DYSF: variants seen among roughly 807,000 people sequenced by gnomAD.
The protein encoded by DYSF is dystrophy-associated fer-1-like 1.
In DYSF, 212 loss-of-function variants were observed where a neutral mutation model predicts 274.9. The ratio of observed to expected loss-of-function variants is 0.77; its 90% CI spans 0.69 to 0.86. The LOEUF (loss-of-function observed/expected upper bound fraction) is 0.86. Ranked by LOEUF, DYSF falls within the 40% of genes least tolerant of loss-of-function variation. DYSF has a pLI of 0.00. For synonymous variants in DYSF, 1,091 were observed against 1,078.7 expected (o/e 1.01, Z -0.22); for missense variants, 2,666 against 2,783.2 (o/e 0.96, Z 0.95).
At chr2:71,473,741 A>C (rs926171271) in intron 1 of DYSF, among the ~76,000 whole-genome samples, 1 of 152,130 alleles carries the variant, frequency 6.6e-6, no homozygotes, top group Non-Finnish European at 1.5e-5. Context: ...ACATAACATG[A>C]AATGTACCAT....
intron 22 of DYSF, among the ~76,000 whole-genome samples, chr2:71,560,946 G>T (rs2091709815): frequency 6.6e-6 from 1 of 152,190 alleles, no homozygotes; most frequent in African/African-American, 2.4e-5. Context: ...TGCACAGACT[G>T]CCCCGCCGCA....
intron 17 of DYSF, among the ~76,000 whole-genome samples, chr2:71,548,229 T>C (rs2090637434): frequency 6.6e-6 from 1 of 152,188 alleles, no homozygotes; most frequent in Non-Finnish European, 1.5e-5. Flanking sequence ...TGCCCTGTCC[T>C]CACTCTGGAT....
At chr2:71,669,262 T>C (rs1400753078) in intron 50 of DYSF, 55 bp downstream of exon 50, 1 of 1,446,444 alleles carries the variant, frequency 6.9e-7, no homozygotes, top group Non-Finnish European at 9.6e-7. Flanking sequence ...CCGTGCTCCC[T>C]CTGGGTTGTG....
chr2:71,543,453 CG>C (rs1335420284), intron 17 of DYSF, among the ~76,000 whole-genome samples: 1 of 151,406 alleles, frequency 6.6e-6, no homozygotes, highest in Non-Finnish European at 1.5e-5. Flanking sequence ...ACTTCCCAGA[CG>C]GGGTGGCGGC....
chr2:71,585,054 T>C (rs2093020085), intron 30 of DYSF, among the ~76,000 whole-genome samples: 1 of 152,328 alleles, frequency 6.6e-6, no homozygotes, highest in South Asian at 2.1e-4. Context: ...ACTAGTTCTC[T>C]ACAGGGCACA....
At chr2:71,633,079 G>C (rs938358862) in intron 41 of DYSF, among the ~76,000 whole-genome samples, 4 of 152,234 alleles carry the variant, frequency 2.6e-5, no homozygotes, top group Admixed American at 6.5e-5. Context: ...ACTGCAGGGA[G>C]TGTCAACAAG....
intron 30 of DYSF, among the ~76,000 whole-genome samples, chr2:71,575,504 T>C (rs2092673456): frequency 6.6e-6 from 1 of 151,868 alleles, no homozygotes; most frequent in South Asian, 2.1e-4. Flanking sequence ...TCGGGCAGGA[T>C]AGGATGGAAT....
At chr2:71,584,255 G>A (rs1041429389) in intron 30 of DYSF, among the ~76,000 whole-genome samples, 21 of 152,234 alleles carry the variant, frequency 1.4e-4, no homozygotes, top group African/African-American at 4.8e-4. Context: ...GGCTCTGCAC[G>A]GGGCTCAGAG....
At chr2:71,598,514 C>T (rs2093460849) in intron 32 of DYSF, 50 bp from the exon 33 acceptor site, 6 of 1,608,334 alleles carry the variant, frequency 3.7e-6, no homozygotes, top group Non-Finnish European at 5.1e-6. Context: ...AGACATCTCT[C>T]AGGGTCCCTG....
At chr2:71,549,606 C>T (rs1167226949) in intron 17 of DYSF, among the ~76,000 whole-genome samples, 1 of 151,850 alleles carries the variant, frequency 6.6e-6, no homozygotes, top group African/African-American at 2.4e-5. Flanking sequence ...CAATTTCCTC[C>T]CACTTCCCCC....
At chr2:71,531,370 C>T (rs1198834703) in intron 14 of DYSF, among the ~76,000 whole-genome samples, 1 of 152,046 alleles carries the variant, frequency 6.6e-6, no homozygotes, top group Admixed American at 6.5e-5. Flanking sequence ...ACACTCATGG[C>T]ACTTTAGTGA....
chr2:71,642,460 T>A (rs1306989283), intron 41 of DYSF, among the ~76,000 whole-genome samples: 1 of 152,242 alleles, frequency 6.6e-6, no homozygotes, highest in East Asian at 1.9e-4. Flanking sequence ...TTCTTTAAAT[T>A]GAACTTTAAA....
chr2:71,592,781 G>A (rs2093305776), intron 32 of DYSF, among the ~76,000 whole-genome samples: 1 of 152,226 alleles, frequency 6.6e-6, no homozygotes, highest in Admixed American at 6.5e-5. Flanking sequence ...CCTCTGCTGT[G>A]CTCTTTGCTT....
intron 1 of DYSF, 93 bp downstream of exon 1, chr2:71,467,026 C>T (rs545390079): frequency 3.0e-5 from 44 of 1,484,126 alleles, no homozygotes; most frequent in Non-Finnish European, 3.9e-5. Context: ...CGGAGCTAAC[C>T]CTAGTCCAGG....
intron 35 of DYSF, 40 bp downstream of exon 35, chr2:71,601,568 C>A (rs1574282159): frequency 1.9e-6 from 3 of 1,613,286 alleles, no homozygotes; most frequent in South Asian, 1.1e-5. Context: ...AAACTGATTG[C>A]CAGTCTCCCT....
intron 32 of DYSF, among the ~76,000 whole-genome samples, chr2:71,592,747 C>T (rs1444836318): frequency 1.3e-5 from 2 of 152,226 alleles, no homozygotes; most frequent in African/African-American, 4.8e-5. Flanking sequence ...GCTCTCTGGG[C>T]CTTTCCCCGG....
At chr2:71,686,338 C>T (rs2095356357) in intron 55 of DYSF, 116 bp from the exon 56 acceptor site, 28 of 1,326,602 alleles carry the variant, frequency 2.1e-5, no homozygotes, top group Non-Finnish European at 2.9e-5. Flanking sequence ...CTCTCCCAGC[C>T]TCTTGCCTGT....
intron 41 of DYSF, among the ~76,000 whole-genome samples, chr2:71,639,981 T>A (rs547089130): frequency 1.3e-3 from 191 of 152,388 alleles, no homozygotes; most frequent in African/African-American, 4.4e-3. Flanking sequence ...TCTCTCTATA[T>A]TGACTCATTG....
chr2:71,671,003 G>T (rs1170017167), intron 51 of DYSF, among the ~76,000 whole-genome samples: 1 of 152,102 alleles, frequency 6.6e-6, no homozygotes. Context: ...ATGACTCCTT[G>T]TCTCCTGAAA....
Sources: gnomAD v4.1 joint callset for allele counts (sites outside exome capture counted in the v4.1 genomes callset) on GRCh38, gnomAD v4.1.1 for gene constraint, MANE v1.5 for transcripts, NCBI Gene and HGNC (gene_info 2026-07-23, HGNC 2026-07-21) for gene names.